CPVL: variants seen among roughly 807,000 people sequenced by gnomAD.
The protein encoded by CPVL is probable serine carboxypeptidase CPVL.
CPVL carries 51 observed loss-of-function variants against 63.7 expected under a neutral mutation model. The ratio of observed to expected loss-of-function variants is 0.80; its 90% confidence interval spans 0.64 to 1.01. The LOEUF is 1.01. Among genes scored for constraint, CPVL ranks in the 50% least tolerant of loss-of-function variants. The pLI, the probability that CPVL is intolerant of heterozygous loss-of-function variation, is 0.00. For synonymous variants in CPVL, 195 were observed against 206.0 expected (o/e 0.95, Z 0.46); for missense variants, 530 against 573.1 (o/e 0.92, Z 0.77).
Position 29,171,708 on chromosome 7 carries a change from A to T in CPVL, c.-11+9582T>A, listed in dbSNP as rs548646448. ...TGCAGGCTAAATCCAAGCATATGAC[A>T]TAATTTAGAAATCTACCAGTGTGTC... On this transcript the variant is annotated intron_variant, in intron 5 of 16. Transcript: ENST00000409850. Among the ~76,000 whole-genome samples the T allele has an allele frequency of 9.2e-5, 14 of 152,352 alleles. 1 individual carries two copies. In the South Asian group the frequency reaches 2.9e-3, roughly 32 times the overall value.
intron 5 of CPVL, among the ~76,000 whole-genome samples, chr7:29,172,449 G>T (rs1054722573): frequency 6.6e-6 from 1 of 151,978 alleles, no homozygotes; most frequent in Non-Finnish European, 1.5e-5. Context: ...TCATCATATT[G>T]CCACCCATTT....
At chr7:29,013,173 A>G (rs1786023106) in intron 12 of CPVL, 1 of 152,242 alleles carries the variant, frequency 6.6e-6, no homozygotes, top group Non-Finnish European at 1.5e-5. Context: ...AGGCCAGGAC[A>G]CTACATGATT....
rs142382557 is a variant in CPVL, at chr7:29,136,666, G to A, written c.-11+9763C>T. On this transcript the variant is annotated intron_variant, in intron 1 of 12. Transcript: ENST00000265394. ...CTCAGAGATAAGAGAAGGATGGGGAGGTGGGGAGAAGAAGACTAAAATTTT... is the reference window on the plus strand; with the variant it reads ...CTCAGAGATAAGAGAAGGATGGGGAAGTGGGGAGAAGAAGACTAAAATTTT... Among the ~76,000 whole-genome samples, 158 of 152,196 alleles carry A rather than the reference G, an allele frequency of 1.0e-3. 1 individual carries two copies. The highest frequency in any genetic ancestry group is 3.0e-3 in the African/African-American group (124 of 41,532).
chr7:29,142,249 A>G (rs1791968611), intron 1 of CPVL, among the ~76,000 whole-genome samples: 2 of 152,180 alleles, frequency 1.3e-5, no homozygotes, highest in South Asian at 4.1e-4. Context: ...GAACACCTGT[A>G]TTTATTTTTT....
chr7:29,104,559 C>A (rs928354152), intron 3 of CPVL, among the ~76,000 whole-genome samples: 1 of 152,222 alleles, frequency 6.6e-6, no homozygotes, highest in African/African-American at 2.4e-5. Context: ...CTGCACCCAG[C>A]CTCAAAATCT....
At chr7:29,070,093 G>A (rs1783591189) in intron 9 of CPVL, among the ~76,000 whole-genome samples, 1 of 152,090 alleles carries the variant, frequency 6.6e-6, no homozygotes, top group Non-Finnish European at 1.5e-5. Flanking sequence ...AAAAAGCAAA[G>A]GTCTTGTTTT....
intron 1 of CPVL, among the ~76,000 whole-genome samples, chr7:29,124,207 T>G (rs936984748): frequency 6.6e-6 from 1 of 152,124 alleles, no homozygotes; most frequent in Non-Finnish European, 1.5e-5. Flanking sequence ...TATTGAACAT[T>G]TATTGAGCAA....
chr7:29,067,394 C>A (rs1562751161), intron 9 of CPVL, among the ~76,000 whole-genome samples: 1 of 152,110 alleles, frequency 6.6e-6, no homozygotes, highest in Admixed American at 6.5e-5. Flanking sequence ...TGGTCAGAGG[C>A]CCTGTCTGAG....
At chr7:29,161,079 C>T (rs182629040) in intron 5 of CPVL, among the ~76,000 whole-genome samples, 1 of 152,148 alleles carries the variant, frequency 6.6e-6, no homozygotes, top group African/African-American at 2.4e-5. Flanking sequence ...AGCTACCTGA[C>T]TTCTTACCAG....
At chr7:29,122,991 T>G (rs1408359364) in intron 1 of CPVL, among the ~76,000 whole-genome samples, 6 of 152,178 alleles carry the variant, frequency 3.9e-5, no homozygotes. Flanking sequence ...GCATGATCTA[T>G]GTTCTTAGCT....
At chr7:29,148,785 G>C (rs1184101422), upstream of CPVL, 1 of 152,182 alleles carries the variant, frequency 6.6e-6, no homozygotes, top group African/African-American at 2.4e-5. Flanking sequence ...TGTGGGGAAG[G>C]GATGAAGGGG....
chr7:29,010,319 A>G (rs1297129676), intron 12 of CPVL: 1 of 151,626 alleles, frequency 6.6e-6, no homozygotes, highest in Non-Finnish European at 1.5e-5. Context: ...AAGCTCCTAT[A>G]TTTCCTGTCT....
intron 3 of CPVL, among the ~76,000 whole-genome samples, chr7:29,103,334 C>G (rs550549518): frequency 2.0e-5 from 3 of 151,092 alleles, no homozygotes; most frequent in African/African-American, 7.3e-5. Flanking sequence ...CAACCTCCAC[C>G]TCCCAGGTTC....
intron 1 of CPVL, chr7:29,126,181 C>T (rs1790000110): frequency 6.6e-6 from 1 of 152,168 alleles, no homozygotes; most frequent in African/African-American, 2.4e-5. Context: ...GTGTGGTAGA[C>T]AGATTACACA....
chr7:29,104,639 T>C (rs1787541878), intron 3 of CPVL, among the ~76,000 whole-genome samples: 1 of 152,168 alleles, frequency 6.6e-6, no homozygotes, highest in Admixed American at 6.5e-5. Context: ...GCTTGTCTCA[T>C]TGATTTGTAC....
intron 5 of CPVL, among the ~76,000 whole-genome samples, chr7:29,093,180 G>A (rs1786008035): frequency 6.6e-6 from 1 of 151,930 alleles, no homozygotes; most frequent in African/African-American, 2.4e-5. Flanking sequence ...GAGGTCAGGA[G>A]TTTGAGACCA....
At chr7:29,030,252 C>A (rs1448290739) in intron 12 of CPVL, among the ~76,000 whole-genome samples, 2 of 152,128 alleles carry the variant, frequency 1.3e-5, no homozygotes, top group Non-Finnish European at 2.9e-5. Context: ...GTTGAAACTT[C>A]CTTTATAATT....
chr7:29,181,635 A>G (rs1452720281), intron 4 of CPVL, among the ~76,000 whole-genome samples: 1 of 152,272 alleles, frequency 6.6e-6, no homozygotes, highest in Non-Finnish European at 1.5e-5. Context: ...GTTCATTCCA[A>G]AAGGAAAGTA....
chr7:29,175,993 T>C lies in CPVL; in HGVS notation c.-11+5297A>G, dbSNP rs1032577910. On this transcript the variant is annotated intron_variant, in intron 5 of 16. Coordinates refer to the CPVL transcript ENST00000409850. ...CAAGGTCAGGAGATCAAGACCATCC[T>C]GACTAACACGGTGAAACCCCGTCTC... Among the ~76,000 whole-genome samples, 8 of 152,122 alleles carry C rather than the reference T, an allele frequency of 5.3e-5. 1 individual carries two copies. The highest frequency in any genetic ancestry group is 8.8e-5 in the Non-Finnish European group (6 of 68,022).
Sources: allele counts gnomAD v4.1 joint callset (sites outside exome capture counted in the v4.1 genomes callset), GRCh38; gene constraint gnomAD v4.1.1; transcripts MANE v1.5; gene names NCBI Gene and HGNC (gene_info 2026-07-23, HGNC 2026-07-21).